Variants in BAG6 observed in about 807,000 individuals in gnomAD.
BAG6 encodes the protein BAG cochaperone 6, also known as large proline-rich protein BAG6.
A neutral mutation model predicts 121.0 loss-of-function variants in BAG6; 22 were observed. The ratio of observed to expected loss-of-function variants is 0.18; its 90% CI spans 0.13 to 0.26. The LOEUF (loss-of-function observed/expected upper bound fraction) is 0.26. Ranked by LOEUF, BAG6 falls within the 10% of genes least tolerant of loss-of-function variation. The probability of loss-of-function intolerance (pLI) is 1.00; values close to 1 mark genes in which losing one functional copy is unlikely to be tolerated. For missense variants in BAG6, 1,233 were observed against 1,537.7 expected (o/e 0.80, Z 3.31); for synonymous variants, 583 against 584.6 (o/e 1.00, Z 0.04).
At chr6:31,649,649 A>G (rs778288763) in intron 2 of BAG6, 22 bp from the exon 3 acceptor site, 5 of 1,595,424 alleles carry the variant, frequency 3.1e-6, no homozygotes, top group Non-Finnish European at 4.3e-6. Flanking sequence ...AGGCATGCAC[A>G]GGAATGGAAA....
chr6:31,645,675 A>G (rs1050486877), intron 8 of BAG6, 71 bp from the exon 9 acceptor site: 4 of 1,546,456 alleles, frequency 2.6e-6, no homozygotes, highest in Non-Finnish European at 3.5e-6. Context: ...AATAAAAGCA[A>G]TAATGCCTAC....
intron 2 of BAG6, 128 bp downstream of exon 2, chr6:31,651,528 G>C: frequency 2.6e-6 from 2 of 770,802 alleles, no homozygotes; most frequent in Non-Finnish European, 4.3e-6. Context: ...GACAGGGCGT[G>C]ACTCCATCTC....
At position 31,646,301 on chromosome 6, in the gene BAG6, T is replaced by C. The variant is rs555220362; in HGVS notation, c.918+93A>G. The C allele has an allele frequency of 1.9e-5, 29 of 1,522,098 alleles. No individual in the cohort carries two copies. In the South Asian group the frequency reaches 3.7e-4, roughly 19 times the overall value. 94.3% of individuals were successfully genotyped at this position (1,522,098 alleles called of 1,614,324 possible). A position where few individuals can be genotyped will look rare whatever the true frequency, so the allele number is the denominator to read the frequency against. Reference sequence around the variant, plus strand: ...GCACCTGGCCCTGTTGCAATGTTTTTCCAGGGAGGGAAAGAGTTATCTGCA... The same window carrying C: ...GCACCTGGCCCTGTTGCAATGTTTTCCCAGGGAGGGAAAGAGTTATCTGCA... On this transcript the variant is annotated intron_variant, in intron 8 of 25. Coordinates refer to ENST00000676615, the MANE Select transcript of BAG6 (RefSeq NM_001387994.1).
chr6:31,646,574 C>A, intron 7 of BAG6, 51 bp from the exon 8 acceptor site: 1 of 1,598,620 alleles, frequency 6.3e-7, no homozygotes, highest in Non-Finnish European at 8.5e-7. Context: ...CAGATTCCCA[C>A]CCTCACAGTC....
At chr6:31,648,800 G>C (rs755452391) in intron 5 of BAG6, 49 bp from the exon 6 acceptor site, 5 of 1,608,790 alleles carry the variant, frequency 3.1e-6, no homozygotes, top group Admixed American at 1.7e-5. Flanking sequence ...GAAGCCATGA[G>C]TTCTACCACC....
At position 31,647,838 on chromosome 6, in the gene BAG6, G is replaced by A. The variant is rs775405207; in HGVS notation, c.553-12C>T. On this transcript the variant is annotated splice_polypyrimidine_tract_variant and intron_variant, in intron 6 of 25. Transcript: ENST00000676615. ...GGCCCTCCTCGACACTGAAGGTAGG[G>A]GAGAGTCAGGATACCAAAGGCAGGG... 3.9e-6 allele frequency: 6 copies of A among 1,524,540 alleles called. No individual in the cohort carries two copies. The highest frequency in any genetic ancestry group is 5.3e-6 in the Non-Finnish European group (6 of 1,140,476). The allele number at this position is 1,524,540 out of a possible 1,614,324, so 94.4% of individuals were successfully genotyped here.
At chr6:31,639,847 T>G (rs1780775094) in intron 24 of BAG6, 1 of 717,946 alleles carries the variant, frequency 1.4e-6, no homozygotes, top group Non-Finnish European at 2.2e-6. Flanking sequence ...CTAAAGTGAA[T>G]GTGCTTGAAC....
rs746188159 is a variant in BAG6, at chr6:31,651,789, G to C, written c.-13-13C>G. On this transcript the variant is annotated splice_polypyrimidine_tract_variant and intron_variant, in intron 1 of 25. Coordinates refer to ENST00000676615, the MANE Select transcript of BAG6 (RefSeq NM_001387994.1). ...GGCCGACAGGTCTCTAAAGAAGAAC[G>C]AAGGAAGGAAGGCCCGCTGTTGCCC... 1.1e-5 allele frequency: 17 copies of C among 1,600,512 alleles called. No individual in the cohort carries two copies. The South Asian group carries it at 1.4e-4, about 13-fold the overall frequency.
chr6:31,652,357 A>ACACACACCCC (rs878991736), intron 1 of BAG6, 67 bp downstream of exon 1: 18 of 143,166 alleles, frequency 1.3e-4, no homozygotes, highest in East Asian at 6.1e-4. Context: ...ACACACACAC[A>ACACACACCCC]CACCCACCAC....
chr6:31,652,341 A>ACC (rs1175558583), intron 1 of BAG6, 83 bp downstream of exon 1: 1 of 150,774 alleles, frequency 6.6e-6, no homozygotes. Flanking sequence ...ACACACACAC[A>ACC]CACACACACA....
At chr6:31,650,033 G>A (rs780869734) in intron 2 of BAG6, among the ~76,000 whole-genome samples, 7 of 152,054 alleles carry the variant, frequency 4.6e-5, no homozygotes, top group African/African-American at 1.4e-4. Flanking sequence ...TTCGGGAGGC[G>A]GAGGTTGCAG....
At chr6:31,639,928 A>G (rs1659180512) in intron 24 of BAG6, 1 of 615,218 alleles carries the variant, frequency 1.6e-6, no homozygotes, top group Non-Finnish European at 2.8e-6. Flanking sequence ...CCACAAGAGG[A>G]AACCCACCTT....
In BAG6 at chr6:31,641,529, G is replaced by T. The variant is rs775229881; in HGVS notation, c.2559+10C>A. 2 of 1,614,038 alleles carry T rather than the reference G, an allele frequency of 1.2e-6. No homozygotes were observed. Among genetic ancestry groups the T allele is most frequent in the Non-Finnish European group, 1.7e-6 (2 of 1,179,970 alleles). On this transcript the variant is annotated intron_variant, in intron 18 of 25. Coordinates refer to ENST00000676615, the MANE Select transcript of BAG6 (RefSeq NM_001387994.1). The surrounding 1 kb of genome is among the most constrained non-coding windows in gnomAD (Gnocchi z 5.7). ...CCAGGAGAGGAAAGGAATAGAGAAG[G>T]GTTACTCACAAAACTCTCCCGCACA...
rs565354457 is a variant in BAG6, at chr6:31,647,462, G to A, written c.788+129C>T. 50 of 1,348,762 alleles carry A rather than the reference G, an allele frequency of 3.7e-5. No homozygotes were observed. The East Asian group carries it at 9.7e-4, about 26-fold the overall frequency. 83.5% of individuals were successfully genotyped at this position (1,348,762 alleles called of 1,614,324 possible). ...ACCTATACCGAGAGAGCCCCTCCTC[G>A]CCCCTCAATGCTAACCCTTCAACTA... is the stretch of plus-strand genomic sequence containing the variant. On this transcript the variant is annotated intron_variant, in intron 7 of 25. Transcript: ENST00000676615.
At chr6:31,643,744 A>AAAAAAAAAAAC in intron 14 of BAG6, 146 bp downstream of exon 14, 1 of 599,470 alleles carries the variant, frequency 1.7e-6, no homozygotes, top group African/African-American at 2.0e-5. Context: ...AAAAAAAAAA[A>AAAAAAAAAAAC]AAGCTGAAAC....
At chr6:31,642,580 A>T in intron 15 of BAG6, 177 bp from the exon 16 acceptor site, 1 of 636,670 alleles carries the variant, frequency 1.6e-6, no homozygotes, top group Non-Finnish European at 2.7e-6. Flanking sequence ...AGGCAGCACA[A>T]CTTACCTACC....
intron 8 of BAG6, 42 bp downstream of exon 8, chr6:31,646,352 A>C: frequency 1.2e-6 from 2 of 1,600,802 alleles, no homozygotes; most frequent in African/African-American, 1.3e-5. Flanking sequence ...TTTTGGGAGT[A>C]CTGGGGCTGA....
At chr6:31,647,892 G>A in intron 6 of BAG6, 66 bp from the exon 7 acceptor site, 8 of 1,473,464 alleles carry the variant, frequency 5.4e-6, no homozygotes, top group Non-Finnish European at 7.2e-6. Flanking sequence ...TTACTCTACA[G>A]GAGACTGAAC....
Position 31,640,801 on chromosome 6 carries a change from A to G in BAG6, c.2925T>C (p.Asp975=). ...AILRYVRRVG[D]PPQPLPEEPM... ...CCAACAGGTCCCTTACCTGGGGGGG[A>G]TCACCAACCCTGCGAACGTATCTGA... Residue 975 remains aspartate (D), a synonymous_variant, in exon 21 of 26, where the codon GAT becomes GAC. Coordinates refer to ENST00000676615, the MANE Select transcript of BAG6 (RefSeq NM_001387994.1). This position sits in a 1 kb window ranked among gnomAD's most constrained non-coding sequence, Gnocchi z 4.2. 2 of 1,612,566 alleles carry G rather than the reference A, an allele frequency of 1.2e-6. No individual in the cohort carries two copies. The highest frequency in any genetic ancestry group is 1.7e-6 in the Non-Finnish European group (2 of 1,179,996).
Sources: gnomAD v4.1 joint callset for allele counts (sites outside exome capture counted in the v4.1 genomes callset) on GRCh38, gnomAD v4.1.1 for gene constraint, Gnocchi (gnomAD v3.1) non-coding constraint, MANE v1.5 for transcripts, NCBI Gene and HGNC (gene_info 2026-07-23, HGNC 2026-07-21) for gene names.